The following GPATCH8 variants were observed in gnomAD, a reference collection of about 807,000 sequenced individuals.
GPATCH8 encodes the protein G-patch domain containing 8.
A neutral mutation model predicts 118.3 loss-of-function variants in GPATCH8; 18 were observed. That is an observed-to-expected ratio of 0.15 (90% CI 0.11 to 0.23). GPATCH8 has a LOEUF of 0.23. GPATCH8 is among the 10% of genes least tolerant of loss of function. The pLI is 1.00. For synonymous variants in GPATCH8, 659 were observed against 684.7 expected, an observed-to-expected ratio of 0.96 and a Z score of 0.59; for missense variants, 1,631 against 1,873.8, an observed-to-expected ratio of 0.87 and a Z score of 2.39.
At chr17:44,405,483 T>C (rs1273456402) in intron 7 of GPATCH8, among the ~76,000 whole-genome samples, 3 of 150,634 alleles carry the variant, frequency 2.0e-5, no homozygotes, top group Non-Finnish European at 4.4e-5. Flanking sequence ...GCTGGGATTA[T>C]AGGCGTGAAC....
chr17:44,430,534 G>T (rs2143977024), intron 5 of GPATCH8, among the ~76,000 whole-genome samples: 1 of 152,190 alleles, frequency 6.6e-6, no homozygotes, highest in Admixed American at 6.5e-5. Context: ...TAGAAATTAG[G>T]CACTTCCTCA....
intron 5 of GPATCH8, among the ~76,000 whole-genome samples, chr17:44,429,842 T>C (rs2050237996): frequency 6.8e-6 from 1 of 146,522 alleles, no homozygotes; most frequent in Non-Finnish European, 1.5e-5. Flanking sequence ...CCAACTTGAG[T>C]GACAGAGTAA....
At chr17:44,410,824 C>T (rs747181712) in intron 6 of GPATCH8, among the ~76,000 whole-genome samples, 1 of 152,124 alleles carries the variant, frequency 6.6e-6, no homozygotes, top group Non-Finnish European at 1.5e-5. Flanking sequence ...TCCAGAAGAC[C>T]AGTAGAAAGG....
At chr17:44,496,692 G>A (rs954258484) in intron 1 of GPATCH8, among the ~76,000 whole-genome samples, 4 of 152,232 alleles carry the variant, frequency 2.6e-5, no homozygotes, top group East Asian at 1.9e-4. Flanking sequence ...TAACAGTTAC[G>A]TGCTACTCAT....
At position 44,397,933 on chromosome 17, in the gene GPATCH8, G is replaced by A. The variant is rs1479295623; in HGVS notation, c.4144C>T (p.His1382Tyr). The A allele has an allele frequency of 1.1e-5, 18 of 1,612,986 alleles. No individual in the cohort carries two copies. The highest frequency in any genetic ancestry group is 1.4e-5 in the Non-Finnish European group (17 of 1,179,092). ...ITTVQHAILQ[H>Y]HAAAAAAAIG... is the part of the protein sequence containing the mutation. Reference sequence around the variant, plus strand: ...GCGGCAGCAGCTGCGGCAGCATGATGTTGTAGGATGGCATGCTGAACAGTT... The same window carrying A: ...GCGGCAGCAGCTGCGGCAGCATGATATTGTAGGATGGCATGCTGAACAGTT... Residue 1382 changes from histidine to tyrosine, a missense_variant, in exon 8 of 8, where the codon CAT becomes TAT. By Grantham distance (83) the His-to-Tyr change is moderately conservative. Coordinates refer to ENST00000591680, the MANE Select transcript of GPATCH8 (RefSeq NM_001002909.4).
At chr17:44,440,647 T>C (rs948497046) in intron 3 of GPATCH8, among the ~76,000 whole-genome samples, 1 of 152,216 alleles carries the variant, frequency 6.6e-6, no homozygotes, top group African/African-American at 2.4e-5. Context: ...ATGCAAGTCT[T>C]GCTAAAATGT....
chr17:44,500,889 TATTAC>T (rs1970008874), intron 1 of GPATCH8, among the ~76,000 whole-genome samples: 1 of 152,258 alleles, frequency 6.6e-6, no homozygotes, highest in African/African-American at 2.4e-5. Flanking sequence ...AGGAGAATCC[TATTAC>T]ATTACATTCT....
intron 1 of GPATCH8, among the ~76,000 whole-genome samples, chr17:44,494,358 G>C (rs576964350): frequency 6.6e-6 from 1 of 152,062 alleles, no homozygotes; most frequent in South Asian, 2.1e-4. Flanking sequence ...TTGGGAGGCC[G>C]AGGTGGGTGG....
At chr17:44,422,682 G>C (rs2049952933) in intron 6 of GPATCH8, among the ~76,000 whole-genome samples, 1 of 151,664 alleles carries the variant, frequency 6.6e-6, no homozygotes, top group African/African-American at 2.4e-5. Flanking sequence ...AGTAGAGACA[G>C]GGTTTCACCG....
At chr17:44,465,852 T>C (rs2051741330) in intron 2 of GPATCH8, 1 of 152,168 alleles carries the variant, frequency 6.6e-6, no homozygotes, top group African/African-American at 2.4e-5. Flanking sequence ...AAGAAAAACA[T>C]TTTTTTACTG....
intron 3 of GPATCH8, among the ~76,000 whole-genome samples, chr17:44,463,315 C>T (rs894508412): frequency 1.3e-5 from 2 of 152,204 alleles, no homozygotes; most frequent in African/African-American, 4.8e-5. Context: ...CAGTAGCACA[C>T]TTCTCCCCAA....
chr17:44,467,029 C>T (rs2051796048), intron 2 of GPATCH8: 3 of 623,684 alleles, frequency 4.8e-6, no homozygotes, highest in Non-Finnish European at 5.2e-6. Context: ...CTCAAATAAA[C>T]AGACAGATGA....
intron 1 of GPATCH8, among the ~76,000 whole-genome samples, chr17:44,495,461 T>C (rs1232361077): frequency 1.3e-5 from 2 of 152,338 alleles, no homozygotes; most frequent in East Asian, 1.9e-4. Flanking sequence ...CTGATAATCA[T>C]GCTGGTCTTA....
intron 7 of GPATCH8, among the ~76,000 whole-genome samples, chr17:44,404,486 T>C (rs938547576): frequency 3.3e-5 from 5 of 152,126 alleles, no homozygotes; most frequent in African/African-American, 1.2e-4. Context: ...ATCATTGTAA[T>C]AGTGTCATAA....
chr17:44,444,715 G>A (rs1364921092), intron 3 of GPATCH8, among the ~76,000 whole-genome samples: 1 of 152,100 alleles, frequency 6.6e-6, no homozygotes, highest in Non-Finnish European at 1.5e-5. Flanking sequence ...AGAAGTTGCA[G>A]TGAGCCGAGA....
chr17:44,475,529 C>A (rs1967688402), intron 1 of GPATCH8, among the ~76,000 whole-genome samples: 1 of 150,950 alleles, frequency 6.6e-6, no homozygotes, highest in African/African-American at 2.4e-5. Context: ...CCCATCTCTA[C>A]TAAAAATACA....
At chr17:44,443,874 T>G (rs2050783811) in intron 3 of GPATCH8, among the ~76,000 whole-genome samples, 1 of 152,150 alleles carries the variant, frequency 6.6e-6, no homozygotes, top group South Asian at 2.1e-4. Flanking sequence ...TTCACCATGT[T>G]GCCCGCCCAG....
rs575697348 is a variant in GPATCH8 at position 44,398,042 on chromosome 17, G to A, written c.4035C>T (p.Ala1345=). The stretch of plus-strand genomic sequence containing the variant: ...GTGTGGCTGGGGCCAGGGCAGCTGA[G>A]GCTGGAAAGGCCTTTACTTGCTTGG... ...LLAKQVKAFP[A]SAALAPATPA... Residue 1345 remains alanine (A), a synonymous_variant, in exon 8 of 8, where the codon GCC becomes GCT. Transcript: ENST00000591680. 1.2e-6 allele frequency: 2 copies of A among 1,613,970 alleles called. No homozygotes were observed. The highest frequency in any genetic ancestry group is 1.7e-6 in the Non-Finnish European group (2 of 1,179,860).
chr17:44,472,161 A>T (rs1048394498), intron 2 of GPATCH8, among the ~76,000 whole-genome samples: 2 of 152,126 alleles, frequency 1.3e-5, no homozygotes, highest in Non-Finnish European at 2.9e-5. Flanking sequence ...TTACTAATAT[A>T]CATTTCTGAA....
Sources: gnomAD v4.1 joint callset for allele counts (sites outside exome capture counted in the v4.1 genomes callset) on GRCh38, gnomAD v4.1.1 for gene constraint, MANE v1.5 for transcripts, NCBI Gene and HGNC (gene_info 2026-07-23, HGNC 2026-07-21) for gene names.